Variants in MDN1 observed in about 807,000 individuals in gnomAD.
MDN1 encodes the protein midasin AAA ATPase 1.
MDN1 carries 266 observed loss-of-function variants against 669.2 expected under a neutral mutation model. The ratio of observed to expected loss-of-function variants is 0.40; its 90% CI spans 0.36 to 0.44. MDN1 has a LOEUF of 0.44. Ranked by LOEUF, MDN1 falls within the 20% of genes least tolerant of loss-of-function variation. The pLI is 1.00. For missense variants in MDN1, 5,940 were observed against 6,754.0 expected (o/e 0.88, Z 4.22); for synonymous variants, 2,385 against 2,457.1 (o/e 0.97, Z 0.87).
Position 89,690,763 on chromosome 6 carries a change from A to G in MDN1, c.10659T>C (p.Tyr3553=). 1 of 1,613,978 alleles carries G rather than the reference A, an allele frequency of 6.2e-7. No homozygotes were observed. Among genetic ancestry groups the G allele is most frequent in the Non-Finnish European group, 8.5e-7 (1 of 1,179,998 alleles). ...QEKAEQESGL[Y]RYRSRNSRTA... The stretch of plus-strand genomic sequence containing the variant: ...TCCTAGAGTTCCTGCTCCTGTATCT[A>G]TACAGGCCGCTTTCCTGCTCAGCCT... Residue 3553 remains tyrosine, a synonymous_variant, in exon 64 of 102, where the codon TAT becomes TAC. Transcript: ENST00000369393.
At chr6:89,671,261 A>T (rs906170009) in intron 82 of MDN1, among the ~76,000 whole-genome samples, 181 bp from the exon 83 acceptor site, 5 of 152,192 alleles carry the variant, frequency 3.3e-5, no homozygotes, top group Non-Finnish European at 5.9e-5. Flanking sequence ...GCTCACTGAG[A>T]TTTCTTCATT....
At chr6:89,716,479 C>T (rs78443670) in intron 44 of MDN1, among the ~76,000 whole-genome samples, 171 bp downstream of exon 44, 10,117 of 152,266 alleles carry the variant, frequency 0.066, 374 homozygotes, top group African/African-American at 0.092. Context: ...TGTCTGATGA[C>T]GAATTACCAC....
intron 100 of MDN1, among the ~76,000 whole-genome samples, chr6:89,645,396 T>C (rs1304428395): frequency 6.6e-6 from 1 of 152,184 alleles, no homozygotes; most frequent in Non-Finnish European, 1.5e-5. Context: ...CTTCTGTCAG[T>C]ATAGAAGAAT....
At chr6:89,654,049 A>T in intron 93 of MDN1, 115 bp downstream of exon 93, 1 of 1,216,024 alleles carries the variant, frequency 8.2e-7, no homozygotes, top group Non-Finnish European at 1.1e-6. Context: ...CAATTCATTC[A>T]TCTAAGCCAT....
chr6:89,756,614 G>T (rs1817260976), intron 19 of MDN1, among the ~76,000 whole-genome samples: 1 of 152,120 alleles, frequency 6.6e-6, no homozygotes, highest in Non-Finnish European at 1.5e-5. Context: ...TCTACGTATA[G>T]TCCTTACAAG....
intron 101 of MDN1, 118 bp downstream of exon 101, chr6:89,644,897 C>T: frequency 5.4e-6 from 6 of 1,112,430 alleles, no homozygotes; most frequent in South Asian, 1.8e-5. Flanking sequence ...TGACAGAATA[C>T]TATGAATGCT....
chr6:89,745,325 C>A lies in MDN1; in HGVS notation c.4126G>T (p.Val1376Leu), dbSNP rs201174935. ...TEGMRRLAML[V>L]GRALEFGEPV... is the part of the protein sequence containing the mutation. Reference sequence around the variant, plus strand: ...TCACCAAATTCCAATGCCCTTCCCACTAGCATCGCGAGTCTCCGCATGCCC... The same window carrying A: ...TCACCAAATTCCAATGCCCTTCCCAATAGCATCGCGAGTCTCCGCATGCCC... Residue 1376 changes from valine (V) to leucine (L), a missense_variant, in exon 29 of 102, where the codon GTG (valine) becomes TTG (leucine). Val to Leu is a conservative substitution (Grantham distance 32). Coordinates refer to ENST00000369393, the MANE Select transcript of MDN1 (RefSeq NM_014611.3). The A allele has an allele frequency of 5.7e-5, 92 of 1,613,878 alleles. 1 individual carries two copies. Among genetic ancestry groups the A allele is most frequent in the Non-Finnish European group, 2.5e-6 (3 of 1,179,950 alleles).
chr6:89,747,834 T>C (rs1317938383), intron 26 of MDN1, among the ~76,000 whole-genome samples: 2 of 130,986 alleles, frequency 1.5e-5, no homozygotes, highest in Non-Finnish European at 3.0e-5. Context: ...GAGCTTGCAG[T>C]GAGCCGAGAC....
intron 65 of MDN1, 72 bp from the exon 66 acceptor site, chr6:89,688,880 A>G: frequency 7.9e-7 from 1 of 1,267,608 alleles, no homozygotes; most frequent in Non-Finnish European, 1.1e-6. Flanking sequence ...AAAAGATGTC[A>G]GCAACAGGGC....
Position 89,689,862 on chromosome 6 carries a change from T to C in MDN1, c.11023+8A>G. ...TCCCAGGGGCATAACAAAAGTAAAC[T>C]ACCATACCCATCAGGGGGTAGAAGT... On this transcript the variant is annotated splice_region_variant and intron_variant, in intron 65 of 101. Transcript: ENST00000369393. 6.2e-7 allele frequency: 1 copy of C among 1,612,736 alleles called. No individual in the cohort carries two copies. Among genetic ancestry groups the C allele is most frequent in the Non-Finnish European group, 8.5e-7 (1 of 1,179,392 alleles).
At position 89,716,751 on chromosome 6, in the gene MDN1, G is replaced by A; in HGVS notation, c.6642C>T (p.Ala2214=). The change falls in exon 44 of 102, where the codon GCC becomes GCT. Residue 2214 remains alanine (A), a synonymous_variant. Transcript: ENST00000369393. ...RSFGVKLTQL[A]SGHSHGTFEW... is the part of the protein sequence containing the mutation. ...CAAATGTGCCATGGCTATGGCCACT[G>A]GCCAACTGCGTAAGCTTCACACCAA... 4 of 1,613,862 alleles carry A rather than the reference G, an allele frequency of 2.5e-6. No homozygotes were observed. The highest frequency in any genetic ancestry group is 3.4e-6 in the Non-Finnish European group (4 of 1,179,872).
chr6:89,813,233 G>C, intron 1 of MDN1, among the ~76,000 whole-genome samples: 1 of 152,198 alleles, frequency 6.6e-6, no homozygotes, highest in South Asian at 2.1e-4. Context: ...CATCGTGCCC[G>C]GCCACAAAAT....
chr6:89,655,437 C>T (rs1033950551), intron 92 of MDN1, among the ~76,000 whole-genome samples: 25 of 152,172 alleles, frequency 1.6e-4, no homozygotes, highest in Non-Finnish European at 8.8e-5. Context: ...TTATTTTTAA[C>T]TATTATATTT....
chr6:89,775,277 A>G (rs1021451681), intron 12 of MDN1, among the ~76,000 whole-genome samples: 2 of 152,194 alleles, frequency 1.3e-5, no homozygotes, highest in Non-Finnish European at 2.9e-5. Context: ...TCCTTCCACA[A>G]CAAGAGAGGA....
intron 1 of MDN1, chr6:89,815,168 G>T: frequency 2.6e-6 from 1 of 379,390 alleles, no homozygotes; most frequent in South Asian, 2.2e-5. Context: ...TCTCTACCTG[G>T]ACAGGCTCAC....
intron 74 of MDN1, among the ~76,000 whole-genome samples, chr6:89,679,696 T>G (rs1418045666): frequency 6.6e-6 from 1 of 152,194 alleles, no homozygotes; most frequent in Non-Finnish European, 1.5e-5. Context: ...TGCTGACACC[T>G]TGATCTTGGA....
chr6:89,743,695 A>C lies in MDN1; in HGVS notation c.4198T>G (p.Cys1400Gly), dbSNP rs370092862. 1.8e-4 allele frequency: 289 copies of C among 1,614,030 alleles called. No individual in the cohort carries two copies. Among genetic ancestry groups the C allele is most frequent in the Non-Finnish European group, 2.3e-4 (268 of 1,180,012 alleles). The change falls in exon 30 of 102, where the codon TGT (cysteine) becomes GGT (glycine). Residue 1400 changes from cysteine to glycine, a missense_variant. Around this residue, in one of 5 missense-constraint regions of MDN1, gnomAD observed 2,292 missense variants for 2,638.3 expected, o/e 0.87. Transcript: ENST00000369393. ...GDTGCGKTTICQVFAALANQK... is the reference protein window; with the variant it reads ...GDTGCGKTTIGQVFAALANQK... The stretch of plus-strand genomic sequence containing the variant: ...TTTGCCAAGGCTGCAAATACCTGAC[A>C]GATAGTAGTTTTCCCACACCTGTTA...
intron 33 of MDN1, among the ~76,000 whole-genome samples, chr6:89,736,229 G>A (rs1390301610): frequency 1.3e-5 from 2 of 152,170 alleles, no homozygotes; most frequent in East Asian, 3.9e-4. Flanking sequence ...GTCTGCTGCT[G>A]TGTAGCCTAG....
At chr6:89,677,034 AGG>A (rs71785927) in intron 76 of MDN1, among the ~76,000 whole-genome samples, 2 of 150,230 alleles carry the variant, frequency 1.3e-5, no homozygotes, top group Non-Finnish European at 3.0e-5. Flanking sequence ...AAAAAAAAAA[AGG>A]GAAGAAGAAG....
Sources: allele counts gnomAD v4.1 joint callset (sites outside exome capture counted in the v4.1 genomes callset), GRCh38; gene constraint gnomAD v4.1.1; regional missense constraint gnomAD v4.1.1; transcripts MANE v1.5; gene names NCBI Gene and HGNC (gene_info 2026-07-23, HGNC 2026-07-21).